SP3: variants seen among roughly 807,000 people sequenced by gnomAD.
The protein encoded by SP3 is Sp3 transcription factor.
In SP3, 10 loss-of-function variants were observed where a neutral mutation model predicts 70.3. That is an observed-to-expected ratio of 0.14 (90% CI 0.09 to 0.24). SP3 has a LOEUF of 0.24. Among genes scored for constraint, SP3 ranks in the 10% least tolerant of loss-of-function variants. SP3 has a pLI of 1.00. For missense variants in SP3, 825 were observed against 914.6 expected (o/e 0.90, Z 1.26); for synonymous variants, 402 against 333.5 (o/e 1.21, Z -2.24).
chr2:173,918,839 A>G, intron 4 of SP3, 54 bp from the exon 5 acceptor site: 2 of 1,475,720 alleles, frequency 1.4e-6, no homozygotes, highest in Middle Eastern at 1.8e-4. Flanking sequence ...TGGCCCAAAA[A>G]GACAGCATGA....
intron 2 of SP3, 85 bp downstream of exon 2, chr2:173,964,320 G>C (rs1290278339): frequency 1.6e-6 from 1 of 610,774 alleles, no homozygotes; most frequent in African/African-American, 2.0e-5. Flanking sequence ...AGGAGGGAGG[G>C]GTGAGGCGAG....
In SP3 at chr2:173,905,010, G is replaced by A. The variant is rs1224222378; in HGVS notation, c.*4931C>T. Reference sequence around the variant, plus strand: ...TTCAAATAGGATAGACTCTTACACAGGGGTGTAATTTCCTCAAGAAAATAC... The same window carrying A: ...TTCAAATAGGATAGACTCTTACACAAGGGTGTAATTTCCTCAAGAAAATAC... On this transcript the variant is annotated 3_prime_UTR_variant, in exon 7 of 7. Coordinates refer to ENST00000310015, the MANE Select transcript of SP3 (RefSeq NM_003111.5). Among the ~76,000 whole-genome samples the A allele has an allele frequency of 6.6e-6, 1 of 152,108 alleles. No individual in the cohort carries two copies. Among genetic ancestry groups the A allele is most frequent in the Non-Finnish European group, 1.5e-5 (1 of 68,020 alleles).
chr2:173,937,944 T>C (rs1191816314), intron 4 of SP3, among the ~76,000 whole-genome samples: 1 of 152,182 alleles, frequency 6.6e-6, no homozygotes, highest in East Asian at 1.9e-4. Context: ...AGAATAAAAA[T>C]ACACTAAATC....
Position 173,964,473 on chromosome 2 carries a change from G to GGCCGCCGCCGCCGCCACCGCC in SP3, c.67_87dup (p.Gly23_Gly29dup). On this transcript the variant is annotated inframe_insertion, in exon 2 of 7. Transcript: ENST00000310015. ...TGCTGCTGCTGCAGATACTCGCCGTGGCCGCCGCCGCCGCCACCGCCGCCG... is the reference window on the plus strand; with the variant it reads ...TGCTGCTGCTGCAGATACTCGCCGTGGCCGCCGCCGCCGCCACCGCCGCCGCCGCCGCCGCCACCGCCGCCG... 2.8e-6 allele frequency: 2 copies of GGCCGCCGCCGCCGCCACCGCC among 707,908 alleles called. No homozygotes were observed. The highest frequency in any genetic ancestry group is 5.2e-6 in the Non-Finnish European group (2 of 383,454). 43.9% of individuals were successfully genotyped at this position (707,908 alleles called of 1,614,324 possible). A position where few individuals can be genotyped will look rare whatever the true frequency, so the allele number is the denominator to read the frequency against.
At chr2:173,958,621 T>C (rs1690968025) in intron 3 of SP3, among the ~76,000 whole-genome samples, 1 of 147,280 alleles carries the variant, frequency 6.8e-6, no homozygotes, top group Non-Finnish European at 1.5e-5. Flanking sequence ...AGGAAAAGAA[T>C]CAAGCAAGAA....
chr2:173,964,985 G>A (rs1403806393), intron 1 of SP3, 180 bp downstream of exon 1: 3 of 779,254 alleles, frequency 3.8e-6, no homozygotes, highest in Non-Finnish European at 5.9e-6. Flanking sequence ...GGGGCTTCGG[G>A]GGTGGACGGT....
Position 173,943,064 on chromosome 2 carries a change from G to A in SP3, c.1639+11809C>T, listed in dbSNP as rs183800130. On this transcript the variant is annotated intron_variant, in intron 4 of 6. Transcript: ENST00000310015. Reference sequence around the variant, plus strand: ...TCTAGGGGGTGTAGGGAGTATCCTAGAACCAATGCCCAATGGATACTGAGG... The same window carrying A: ...TCTAGGGGGTGTAGGGAGTATCCTAAAACCAATGCCCAATGGATACTGAGG... 1.4e-4 allele frequency among the ~76,000 whole-genome samples: 21 copies of A among 152,126 alleles called. No homozygotes were observed. In the East Asian group the frequency reaches 3.9e-3, roughly 28 times the overall value.
chr2:173,930,029 TTCTC>T (rs779075092), intron 4 of SP3, among the ~76,000 whole-genome samples: 14 of 152,204 alleles, frequency 9.2e-5, no homozygotes, highest in Admixed American at 3.3e-4. Context: ...GTGTGTCTAT[TTCTC>T]TCTAACTATG....
At chr2:173,927,310 C>T (rs1180521638) in intron 4 of SP3, among the ~76,000 whole-genome samples, 1 of 150,194 alleles carries the variant, frequency 6.7e-6, no homozygotes, top group Non-Finnish European at 1.5e-5. Flanking sequence ...GGTTCTCACT[C>T]TGTCGCCCAG....
chr2:173,905,472 G>A lies in SP3; in HGVS notation c.*4469C>T, dbSNP rs761873912. On this transcript the variant is annotated 3_prime_UTR_variant, in exon 7 of 7. Transcript: ENST00000310015. ...TAGCTTAGCATAGATTCAGAAGCAA[G>A]AGTTAAAAGGTGAAAAATGGGGAAA... Among the ~76,000 whole-genome samples the A allele has an allele frequency of 2.0e-5, 3 of 152,100 alleles. No homozygotes were observed. The highest frequency in any genetic ancestry group is 7.2e-5 in the African/African-American group (3 of 41,408).
intron 4 of SP3, among the ~76,000 whole-genome samples, chr2:173,923,027 G>C (rs1044691973): frequency 6.6e-6 from 1 of 152,176 alleles, no homozygotes; most frequent in East Asian, 1.9e-4. Context: ...ATAAAGAAAT[G>C]AATGTGCTGA....
chr2:173,940,493 A>G (rs4972421), intron 4 of SP3, among the ~76,000 whole-genome samples: 89,827 of 152,002 alleles, frequency 0.59, 26,799 homozygotes, highest in East Asian at 0.68. Context: ...CCGGGGGTGC[A>G]AGACCCCTGG....
rs530947826 is a variant in SP3 at position 173,907,936 on chromosome 2, T to A, written c.*2005A>T. On this transcript the variant is annotated 3_prime_UTR_variant, in exon 7 of 7. Transcript: ENST00000310015. ...GCGTGTCTAGAGTTCTCCAATGCAA[T>A]CAGGTATTACAGACAGAGTCAGACT... is the stretch of plus-strand genomic sequence containing the variant. 1 of 152,156 alleles carries A rather than the reference T, an allele frequency of 6.6e-6. No individual in the cohort carries two copies. Among genetic ancestry groups the A allele is most frequent in the African/African-American group, 2.4e-5 (1 of 41,530 alleles). 9.4% of individuals were successfully genotyped at this position (152,156 alleles called of 1,614,324 possible).
chr2:173,925,043 A>G (rs1223315776), intron 4 of SP3, among the ~76,000 whole-genome samples: 1 of 152,064 alleles, frequency 6.6e-6, no homozygotes, highest in Non-Finnish European at 1.5e-5. Context: ...ATGCAACACC[A>G]CACCCGGCTA....
In SP3 at chr2:173,931,822, C is replaced by T. The variant is rs1690075489; in HGVS notation, c.1640-13037G>A. 3.9e-5 allele frequency among the ~76,000 whole-genome samples: 6 copies of T among 152,214 alleles called. No individual in the cohort carries two copies. The South Asian group carries it at 1.2e-3, about 31-fold the overall frequency. On this transcript the variant is annotated intron_variant, in intron 4 of 6. Coordinates refer to ENST00000310015, the MANE Select transcript of SP3 (RefSeq NM_003111.5). ...AACTCTTTCTGCAGCTTCCTCACCT[C>T]TATCAGCATTCACAGAATTGAAGAG...
chr2:173,909,911 A>G lies in SP3; in HGVS notation c.*30T>C. 6.3e-7 allele frequency: 1 copy of G among 1,593,924 alleles called. No homozygotes were observed. The highest frequency in any genetic ancestry group is 8.6e-7 in the Non-Finnish European group (1 of 1,163,706). ...ATTCTTCTCACTACTGTATAAAAAT[A>G]ACCACAATGAATAAGTATTTGTGTA... On this transcript the variant is annotated 3_prime_UTR_variant, in exon 7 of 7. Transcript: ENST00000310015.
intron 2 of SP3, 136 bp downstream of exon 2, chr2:173,964,269 C>A (rs1691198320): frequency 3.9e-6 from 2 of 510,580 alleles, no homozygotes; most frequent in East Asian, 7.1e-5. Context: ...GCGGGCAGCT[C>A]CCGGGGCGGG....
chr2:173,917,031 A>T (rs6433452), intron 5 of SP3, among the ~76,000 whole-genome samples: 109,110 of 151,980 alleles, frequency 0.72, 40,146 homozygotes, highest in African/African-American at 0.85. Flanking sequence ...TTAAAGGACA[A>T]ACACAAACAC....
At chr2:173,954,350 G>C (rs969976726) in intron 4 of SP3, among the ~76,000 whole-genome samples, 2 of 152,118 alleles carry the variant, frequency 1.3e-5, no homozygotes, top group African/African-American at 4.8e-5. Context: ...AGGTCACCTA[G>C]ACAGTTACCT....
Sources: allele counts gnomAD v4.1 joint callset (sites outside exome capture counted in the v4.1 genomes callset), GRCh38; gene constraint gnomAD v4.1.1; transcripts MANE v1.5; gene names NCBI Gene and HGNC (gene_info 2026-07-23, HGNC 2026-07-21).